NCKAP5: variants seen among roughly 807,000 people sequenced by gnomAD.
NCKAP5 encodes nck-associated protein 5.
Under a neutral mutation model 167.0 loss-of-function variants are expected in NCKAP5, and 92 were observed. The ratio of observed to expected loss-of-function variants is 0.55; its 90% confidence interval spans 0.47 to 0.66. The LOEUF (loss-of-function observed/expected upper bound fraction) is 0.66, where lower values mean the gene tolerates loss of function less well. NCKAP5 is among the 30% of genes least tolerant of loss of function. NCKAP5 has a pLI of 0.00. For missense variants in NCKAP5, 2,378 were observed against 2,315.0 expected (o/e 1.03, Z -0.56); for synonymous variants, 891 against 877.4 (o/e 1.02, Z -0.27).
chr2:133,386,041 A>G (rs1686939990), intron 3 of NCKAP5, among the ~76,000 whole-genome samples: 1 of 151,828 alleles, frequency 6.6e-6, no homozygotes, highest in Non-Finnish European at 1.5e-5. Context: ...TTGTGTCTCT[A>G]TTTCCTTCAG....
the NCKAP5 span, among the ~76,000 whole-genome samples, chr2:133,576,365 C>T: frequency 1.3e-5 from 2 of 152,154 alleles, no homozygotes; most frequent in African/African-American, 4.8e-5. Flanking sequence ...TACTGTGTAA[C>T]AAAGGGCAGG....
At chr2:132,759,164 G>C (rs1428162086) in intron 16 of NCKAP5, among the ~76,000 whole-genome samples, 1 of 151,778 alleles carries the variant, frequency 6.6e-6, no homozygotes, top group Non-Finnish European at 1.5e-5. Context: ...ATCTATCATG[G>C]TACTTGCAGC....
At chr2:133,172,323 G>A (rs1042672316) in intron 5 of NCKAP5, among the ~76,000 whole-genome samples, 1 of 152,164 alleles carries the variant, frequency 6.6e-6, no homozygotes, top group Non-Finnish European at 1.5e-5. Flanking sequence ...AAACAGAGGA[G>A]CCCAGTTAGA....
In NCKAP5 at chr2:132,782,873, G is replaced by C. The variant is rs773150760; in HGVS notation, c.3938C>G (p.Thr1313Ser). 13 of 1,613,970 alleles carry C rather than the reference G, an allele frequency of 8.1e-6. No homozygotes were observed. The highest frequency in any genetic ancestry group is 1.1e-5 in the Non-Finnish European group (13 of 1,179,888). ...TNTAERGNSL[T>S]RQNSSTESSP... ...GCTTTCCGTGGAAGAGTTCTGCCGG[G>C]TAAGAGAATTGCCTCTCTCGGCGGT... The change falls in exon 14 of 20, where the codon ACC becomes AGC. Residue 1313 changes from threonine (T) to serine (S), a missense_variant. Thr to Ser is a moderately conservative substitution (Grantham distance 58, BLOSUM62 1). Around this residue, in one of 3 missense-constraint regions of NCKAP5, gnomAD observed 1,325 missense variants for 1,274.5 expected, o/e 1.04. Coordinates refer to ENST00000409261, the MANE Select transcript of NCKAP5 (RefSeq NM_207363.3).
chr2:133,619,424 C>T, the NCKAP5 span, among the ~76,000 whole-genome samples: 569 of 151,874 alleles, frequency 3.7e-3, 3 homozygotes, highest in Non-Finnish European at 4.8e-3. Flanking sequence ...GTCAAGGATA[C>T]ACTTAGATAA....
In NCKAP5 at chr2:133,515,214, G is replaced by T. The variant is rs147417018; in HGVS notation, c.69+2244C>A. ...GCTTTCAATGGTTCCCATTCCCAAA[G>T]AATCAACTCAAAAAGAATACTCTAG... On this transcript the variant is annotated intron_variant, in intron 3 of 19. Coordinates refer to ENST00000409261, the MANE Select transcript of NCKAP5 (RefSeq NM_207363.3). Among the ~76,000 whole-genome samples, 180 of 152,238 alleles carry T rather than the reference G, an allele frequency of 1.2e-3. No individual in the cohort carries two copies. In the Middle Eastern group the frequency reaches 0.014, roughly 12 times the overall value.
At chr2:133,046,861 G>A (rs1044818700) in intron 6 of NCKAP5, among the ~76,000 whole-genome samples, 3 of 152,142 alleles carry the variant, frequency 2.0e-5, no homozygotes, top group African/African-American at 7.2e-5. Context: ...GAAACATAAG[G>A]GGTCGAGAGA....
At chr2:133,051,650 T>G (rs1051135628) in intron 6 of NCKAP5, among the ~76,000 whole-genome samples, 7 of 152,140 alleles carry the variant, frequency 4.6e-5, no homozygotes, top group Non-Finnish European at 8.8e-5. Flanking sequence ...TTAAAGCCCA[T>G]GAAAAAATAA....
chr2:132,676,543 T>C (rs1027695023), intron 19 of NCKAP5, among the ~76,000 whole-genome samples: 4 of 152,130 alleles, frequency 2.6e-5, no homozygotes, highest in African/African-American at 9.7e-5. Context: ...CTCAACATTG[T>C]CTTGTCAGAT....
intron 3 of NCKAP5, among the ~76,000 whole-genome samples, chr2:133,446,634 G>A (rs909962999): frequency 2.0e-5 from 3 of 152,298 alleles, no homozygotes; most frequent in Admixed American, 6.5e-5. Context: ...GCTCTATCAT[G>A]AGCCTCGTCC....
At chr2:133,529,079 A>G (rs1685150012) in intron 2 of NCKAP5, among the ~76,000 whole-genome samples, 1 of 152,066 alleles carries the variant, frequency 6.6e-6, no homozygotes, top group Non-Finnish European at 1.5e-5. Flanking sequence ...CACAGCCCAT[A>G]CCCTCCTAGT....
At chr2:132,796,297 A>G (rs1340382362) in intron 12 of NCKAP5, among the ~76,000 whole-genome samples, 1 of 152,200 alleles carries the variant, frequency 6.6e-6, no homozygotes, top group African/African-American at 2.4e-5. Context: ...ATAATATATC[A>G]TAAAAGTAGG....
At chr2:133,094,365 T>C (rs1481911095) in intron 6 of NCKAP5, among the ~76,000 whole-genome samples, 3 of 152,204 alleles carry the variant, frequency 2.0e-5, no homozygotes, top group South Asian at 4.1e-4. Context: ...GGTATTATTT[T>C]CTAATTATAT....
chr2:132,828,062 C>T (rs553321434), intron 11 of NCKAP5, among the ~76,000 whole-genome samples: 2 of 152,220 alleles, frequency 1.3e-5, no homozygotes, highest in East Asian at 3.9e-4. Flanking sequence ...AGATTATTTC[C>T]TTATTGTATT....
In NCKAP5 at chr2:132,783,512, G is replaced by C. The variant is rs752711460; in HGVS notation, c.3299C>G (p.Pro1100Arg). Reference protein sequence around the residue: ...GQLNDSASTPPKPSFLGVNES... With the variant: ...GQLNDSASTPRKPSFLGVNES... ...ATTTACCCCTAAGAAGGAAGGCTTGGGGGGTGTGGAGGCGCTATCATTCAA... is the reference window on the plus strand; with the variant it reads ...ATTTACCCCTAAGAAGGAAGGCTTGCGGGGTGTGGAGGCGCTATCATTCAA... The change falls in exon 14 of 20, where the codon CCC becomes CGC. Residue 1100 changes from proline to arginine, a missense_variant. Around this residue, in one of 3 missense-constraint regions of NCKAP5, gnomAD observed 1,325 missense variants for 1,274.5 expected, o/e 1.04. Transcript: ENST00000409261. 17 of 1,612,496 alleles carry C rather than the reference G, an allele frequency of 1.1e-5. 1 individual carries two copies. Among genetic ancestry groups the C allele is most frequent in the African/African-American group, 5.3e-5 (4 of 74,876 alleles).
chr2:132,825,252 T>C (rs1687046127), intron 11 of NCKAP5, among the ~76,000 whole-genome samples: 1 of 152,132 alleles, frequency 6.6e-6, no homozygotes, highest in Admixed American at 6.5e-5. Context: ...TAATGAAACA[T>C]AGCATGTTCA....
At chr2:133,114,008 A>G (rs1168225188) in intron 6 of NCKAP5, among the ~76,000 whole-genome samples, 1 of 152,130 alleles carries the variant, frequency 6.6e-6, no homozygotes, top group Admixed American at 6.5e-5. Flanking sequence ...AGGAGAACAC[A>G]TTTTACATGG....
intron 7 of NCKAP5, among the ~76,000 whole-genome samples, chr2:132,987,259 A>G (rs978561210): frequency 2.0e-5 from 3 of 151,836 alleles, no homozygotes; most frequent in Admixed American, 6.5e-5. Flanking sequence ...ACAAAGGTAA[A>G]GTTCAAAGTC....
At chr2:133,666,435 T>C in the NCKAP5 span, among the ~76,000 whole-genome samples, 2 of 151,780 alleles carry the variant, frequency 1.3e-5, no homozygotes, top group Non-Finnish European at 2.9e-5. Context: ...TGACCTCAGG[T>C]GATCCACCCA....
Sources: allele counts gnomAD v4.1 joint callset (sites outside exome capture counted in the v4.1 genomes callset), GRCh38; gene constraint gnomAD v4.1.1; regional missense constraint gnomAD v4.1.1; transcripts MANE v1.5; gene names NCBI Gene and HGNC (gene_info 2026-07-23, HGNC 2026-07-21).